The following SERP2 variants were observed in gnomAD, a reference collection of about 807,000 sequenced individuals.
SERP2 encodes stress-associated endoplasmic reticulum protein 2.
A neutral mutation model predicts 9.1 loss-of-function variants in SERP2; 6 were observed. The ratio of observed to expected loss-of-function variants is 0.66; its 90% CI spans 0.36 to 1.30. The LOEUF (loss-of-function observed/expected upper bound fraction) is 1.30. SERP2 is among the 50% of genes most tolerant of loss of function. The pLI is 0.03. For missense variants in SERP2, 58 were observed against 81.9 expected (o/e 0.71, Z 1.13); for synonymous variants, 37 against 27.3 (o/e 1.35, Z -1.10).
intron 2 of SERP2, among the ~76,000 whole-genome samples, chr13:44,392,561 C>A (rs116788512): frequency 6.6e-6 from 1 of 152,010 alleles, no homozygotes; most frequent in Non-Finnish European, 1.5e-5. Flanking sequence ...AAGAAGGGTG[C>A]ATAATCACAA....
At chr13:44,392,716 C>T (rs563383253) in intron 2 of SERP2, among the ~76,000 whole-genome samples, 3 of 152,066 alleles carry the variant, frequency 2.0e-5, no homozygotes, top group African/African-American at 4.8e-5. Context: ...CTGTTGAGTC[C>T]GAGGTACCTC....
chr13:44,389,647 GAT>G (rs1303171309), intron 2 of SERP2, among the ~76,000 whole-genome samples: 1 of 152,160 alleles, frequency 6.6e-6, no homozygotes, highest in Non-Finnish European at 1.5e-5. Context: ...ATAGCACTGA[GAT>G]ATTGAGGAAC....
rs551481132 is a variant in SERP2, at chr13:44,392,112, C to T, written c.158-5160C>T. ...ACTCAGGAGGCTAAGGCTGGAGAAT[C>T]GCTTGAACCCGGAAGACAGAGGTTG... On this transcript the variant is annotated intron_variant, in intron 2 of 2. Transcript: ENST00000379179. 1.7e-3 allele frequency among the ~76,000 whole-genome samples: 244 copies of T among 143,414 alleles called. 1 individual carries two copies. Among genetic ancestry groups the T allele is most frequent in the Middle Eastern group, 0.012 (3 of 250 alleles). The allele number at this position is 143,414 out of a possible 152,430, so 94.1% of individuals were successfully genotyped here.
intron 2 of SERP2, among the ~76,000 whole-genome samples, 179 bp downstream of exon 2, chr13:44,379,892 A>C (rs1191191541): frequency 1.3e-5 from 2 of 152,224 alleles, no homozygotes; most frequent in African/African-American, 4.8e-5. Flanking sequence ...ATAGGTAGAG[A>C]CACAATTAAT....
intron 2 of SERP2, among the ~76,000 whole-genome samples, chr13:44,388,030 T>C (rs897658377): frequency 1.3e-5 from 2 of 152,230 alleles, no homozygotes; most frequent in Non-Finnish European, 1.5e-5. Flanking sequence ...TAGTGACTGT[T>C]ATTTTCTTCA....
chr13:44,377,700 T>C (rs1436796133), intron 1 of SERP2, among the ~76,000 whole-genome samples: 2 of 152,232 alleles, frequency 1.3e-5, no homozygotes, highest in Non-Finnish European at 2.9e-5. Context: ...ATATTTCTCA[T>C]GTAGGAGAGA....
Position 44,373,866 on chromosome 13 carries a change from GGGGCTCGGGGAGCGGGGTGCGCA to G in SERP2, c.-149_-127del. 2 of 572,860 alleles carry G rather than the reference GGGGCTCGGGGAGCGGGGTGCGCA, an allele frequency of 3.5e-6. No individual in the cohort carries two copies. Among genetic ancestry groups the G allele is most frequent in the Non-Finnish European group, 6.0e-6 (2 of 333,058 alleles). 35.5% of individuals were successfully genotyped at this position (572,860 alleles called of 1,614,324 possible). The stretch of plus-strand genomic sequence containing the variant: ...GGCCTCTCTCTGGAGTCGGCTAGCC[GGGGCTCGGGGAGCGGGGTGCGCA>G]GGGCTCGGGGCCACGCCTTGCCACC... On this transcript the variant is annotated 5_prime_UTR_variant, in exon 1 of 3. Coordinates refer to ENST00000379179, the MANE Select transcript of SERP2 (RefSeq NM_001010897.3). The surrounding 1 kb of genome is among the most constrained non-coding windows in gnomAD (Gnocchi z 4.8).
chr13:44,395,888 C>A, intron 2 of SERP2: 1 of 450,392 alleles, frequency 2.2e-6, no homozygotes, highest in South Asian at 1.6e-5. Flanking sequence ...AAGAAAGAGA[C>A]CCAAAAAATG....
At chr13:44,377,900 T>C in intron 1 of SERP2, among the ~76,000 whole-genome samples, 1 of 152,242 alleles carries the variant, frequency 6.6e-6, no homozygotes, top group East Asian at 1.9e-4. Flanking sequence ...TATTACTACA[T>C]GAACAAGACA....
chr13:44,395,435 T>TAAAAATA (rs1873033024), intron 2 of SERP2, among the ~76,000 whole-genome samples: 3 of 151,670 alleles, frequency 2.0e-5, no homozygotes, highest in Non-Finnish European at 4.4e-5. Context: ...AAATCCCGTC[T>TAAAAATA]CTACTAAAAA....
At chr13:44,390,743 C>CTCTCTTT (rs1425566107) in intron 2 of SERP2, 2 of 160,518 alleles carry the variant, frequency 1.2e-5, no homozygotes, top group Non-Finnish European at 2.7e-5. Context: ...TCTCCGGCAT[C>CTCTCTTT]TCTCTTTTTT....
chr13:44,391,417 T>G (rs564893841), intron 2 of SERP2, among the ~76,000 whole-genome samples: 1 of 152,358 alleles, frequency 6.6e-6, no homozygotes, highest in African/African-American at 2.4e-5. Context: ...AATTCAATAA[T>G]ATTTACAGAG....
intron 2 of SERP2, among the ~76,000 whole-genome samples, chr13:44,390,087 G>C (rs1037290964): frequency 6.6e-6 from 1 of 152,204 alleles, no homozygotes; most frequent in Non-Finnish European, 1.5e-5. Context: ...TTCCCTAGAA[G>C]TTGTATGGAG....
At chr13:44,393,766 A>G in intron 2 of SERP2, among the ~76,000 whole-genome samples, 1 of 152,190 alleles carries the variant, frequency 6.6e-6, no homozygotes, top group East Asian at 1.9e-4. Flanking sequence ...TGGAAGGCTG[A>G]GGTTACTCTG....
Position 44,379,630 on chromosome 13 carries a change from T to C in SERP2, c.85-11T>C. Reference sequence around the variant, plus strand: ...ATGAACCTAATCTTACTTTTTCCCATTCCCTTTTAGAGGCCGCAAGAGGAG... The same window carrying C: ...ATGAACCTAATCTTACTTTTTCCCACTCCCTTTTAGAGGCCGCAAGAGGAG... On this transcript the variant is annotated splice_polypyrimidine_tract_variant and intron_variant, in intron 1 of 2. Coordinates refer to ENST00000379179, the MANE Select transcript of SERP2 (RefSeq NM_001010897.3). 6.2e-7 allele frequency: 1 copy of C among 1,604,920 alleles called. No homozygotes were observed. The highest frequency in any genetic ancestry group is 8.5e-7 in the Non-Finnish European group (1 of 1,174,052).
At chr13:44,395,937 C>A in intron 2 of SERP2, 1 of 440,636 alleles carries the variant, frequency 2.3e-6, no homozygotes, top group Non-Finnish European at 4.6e-6. Flanking sequence ...TGCAGCTGAC[C>A]AGAAGCATTT....
upstream of SERP2, chr13:44,373,815 T>C (rs559297527): frequency 2.0e-6 from 1 of 510,542 alleles, no homozygotes; most frequent in South Asian, 2.7e-5. The surrounding 1 kb of genome is among the most constrained non-coding windows in gnomAD (Gnocchi z 4.8). Flanking sequence ...TTTCCTGAGA[T>C]GAGAGATTAC....
In SERP2 at chr13:44,373,941, C is replaced by A; in HGVS notation, c.-85C>A. 7.8e-7 allele frequency: 1 copy of A among 1,285,188 alleles called. No homozygotes were observed. The highest frequency in any genetic ancestry group is 1.1e-6 in the Non-Finnish European group (1 of 924,830). 79.6% of individuals were successfully genotyped at this position (1,285,188 alleles called of 1,614,324 possible). ...GCAGCGCCCGGGTGGGCCGCGGGGG[C>A]CTCGGCGGGACGCGCTCGGCCCTGT... is the stretch of plus-strand genomic sequence containing the variant. On this transcript the variant is annotated 5_prime_UTR_variant, in exon 1 of 3. Coordinates refer to ENST00000379179, the MANE Select transcript of SERP2 (RefSeq NM_001010897.3). The surrounding 1 kb of genome is among the most constrained non-coding windows in gnomAD (Gnocchi z 4.8).
In SERP2 at chr13:44,378,857, T is replaced by C. The variant is rs527658187; in HGVS notation, c.85-784T>C. The stretch of plus-strand genomic sequence containing the variant: ...TTTTGGTTTGAAAAAGCAGGAGGTC[T>C]GTAGGGCTTCATTCATGCAGTTTTG... On this transcript the variant is annotated intron_variant, in intron 1 of 2. Coordinates refer to ENST00000379179, the MANE Select transcript of SERP2 (RefSeq NM_001010897.3). 1.6e-4 allele frequency among the ~76,000 whole-genome samples: 24 copies of C among 152,340 alleles called. No individual in the cohort carries two copies. The East Asian group carries it at 4.6e-3, about 29-fold the overall frequency.
Sources: allele counts gnomAD v4.1 joint callset (sites outside exome capture counted in the v4.1 genomes callset), GRCh38; gene constraint gnomAD v4.1.1; non-coding constraint Gnocchi (gnomAD v3.1); transcripts MANE v1.5; gene names NCBI Gene and HGNC (gene_info 2026-07-23, HGNC 2026-07-21).